Variants in FAM13A observed in about 807,000 individuals in gnomAD.
FAM13A encodes the protein family with sequence similarity 13 member A.
FAM13A carries 76 observed loss-of-function variants against 129.6 expected under a neutral mutation model. The ratio of observed to expected loss-of-function variants is 0.59; its 90% CI spans 0.49 to 0.71. FAM13A has a LOEUF of 0.71. Ranked by LOEUF, FAM13A falls within the 30% of genes least tolerant of loss-of-function variation. The probability of loss-of-function intolerance (pLI) is 0.00; values close to 1 mark genes in which losing one functional copy is unlikely to be tolerated. For synonymous variants in FAM13A, 443 were observed against 449.9 expected, an observed-to-expected ratio of 0.98 and a Z score of 0.20; for missense variants, 1,108 against 1,249.3, an observed-to-expected ratio of 0.89 and a Z score of 1.70.
chr4:88,820,144 G>C (rs532628599), intron 7 of FAM13A, among the ~76,000 whole-genome samples: 3 of 152,242 alleles, frequency 2.0e-5, no homozygotes, highest in East Asian at 3.9e-4. Context: ...CTCACAATAC[G>C]CTAAGAAAGG....
intron 7 of FAM13A, among the ~76,000 whole-genome samples, chr4:88,812,143 C>A (rs1001642143): frequency 6.6e-6 from 1 of 152,252 alleles, no homozygotes; most frequent in Non-Finnish European, 1.5e-5. Context: ...GCCTCCAGAA[C>A]TGTAAGAAAT....
chr4:88,968,253 T>G (rs2446306), intron 4 of FAM13A, among the ~76,000 whole-genome samples: 6 of 152,102 alleles, frequency 3.9e-5, no homozygotes, highest in Admixed American at 2.0e-4. Context: ...ACAAAGGTCA[T>G]CATCTGATTA....
At chr4:88,871,800 C>T (rs1561213217) in intron 6 of FAM13A, among the ~76,000 whole-genome samples, 1 of 152,110 alleles carries the variant, frequency 6.6e-6, no homozygotes, top group Admixed American at 6.5e-5. Context: ...GAGAATACCA[C>T]AAAGATACTC....
At chr4:89,033,295 C>G (rs537768328) in intron 1 of FAM13A, among the ~76,000 whole-genome samples, 66 of 152,168 alleles carry the variant, frequency 4.3e-4, no homozygotes, top group Non-Finnish European at 5.7e-4. Context: ...CCAGTCAGGG[C>G]TGCCAATACT....
chr4:88,745,003 T>C (rs897176731), intron 19 of FAM13A, among the ~76,000 whole-genome samples: 1 of 152,172 alleles, frequency 6.6e-6, no homozygotes, highest in African/African-American at 2.4e-5. Flanking sequence ...TGCACATTCT[T>C]TCGCCTGATT....
chr4:88,784,714 T>A (rs961327542), intron 10 of FAM13A, among the ~76,000 whole-genome samples: 2 of 152,180 alleles, frequency 1.3e-5, no homozygotes, highest in Non-Finnish European at 2.9e-5. Context: ...AGATTGAAAA[T>A]CATTTTCACT....
At chr4:89,014,164 G>C (rs552617664) in intron 3 of FAM13A, among the ~76,000 whole-genome samples, 9 of 152,122 alleles carry the variant, frequency 5.9e-5, no homozygotes, top group African/African-American at 1.4e-4. Context: ...ATTCGTAGAC[G>C]GTAATCCTAC....
At chr4:88,816,435 TA>T (rs1397127616) in intron 7 of FAM13A, among the ~76,000 whole-genome samples, 2 of 152,208 alleles carry the variant, frequency 1.3e-5, no homozygotes, top group Non-Finnish European at 2.9e-5. Context: ...ATGCTTCCAT[TA>T]AATTTCTCTG....
chr4:88,881,458 G>GA (rs1561240549), intron 6 of FAM13A, among the ~76,000 whole-genome samples: 1 of 152,012 alleles, frequency 6.6e-6, no homozygotes. Context: ...CACCCCATGG[G>GA]AAAAAAGCAT....
intron 6 of FAM13A, among the ~76,000 whole-genome samples, chr4:88,861,711 A>G (rs1739522373): frequency 6.6e-6 from 1 of 152,230 alleles, no homozygotes; most frequent in Non-Finnish European, 1.5e-5. Context: ...GAAAAGAGGC[A>G]CATGGACTCC....
At chr4:88,913,470 G>A (rs1749521119) in intron 5 of FAM13A, among the ~76,000 whole-genome samples, 1 of 148,648 alleles carries the variant, frequency 6.7e-6, no homozygotes, top group Non-Finnish European at 1.5e-5. Context: ...AGAAGAGGAG[G>A]AGGAGGAAGA....
chr4:88,890,060 G>A (rs1464674146), intron 6 of FAM13A, among the ~76,000 whole-genome samples: 1 of 152,164 alleles, frequency 6.6e-6, no homozygotes, highest in African/African-American at 2.4e-5. Context: ...ATAGGAAGGT[G>A]AAACCAAAGG....
intron 6 of FAM13A, among the ~76,000 whole-genome samples, chr4:88,868,847 T>C (rs76184235): frequency 0.013 from 1,943 of 152,322 alleles, 23 homozygotes; most frequent in Non-Finnish European, 0.02. Flanking sequence ...TTGTTAATTA[T>C]ACTACAGAGA....
At chr4:89,021,008 C>T (rs953951605) in intron 2 of FAM13A, among the ~76,000 whole-genome samples, 1 of 152,158 alleles carries the variant, frequency 6.6e-6, no homozygotes, top group South Asian at 2.1e-4. Flanking sequence ...ACTCAGGGCT[C>T]TAACAGCAGC....
chr4:88,882,847 A>C (rs1743813356), intron 6 of FAM13A, among the ~76,000 whole-genome samples: 1 of 152,186 alleles, frequency 6.6e-6, no homozygotes, highest in Non-Finnish European at 1.5e-5. Context: ...TGGACAACAA[A>C]ACAAGCAGGA....
chr4:88,842,752 A>G (rs1021713495), intron 7 of FAM13A, among the ~76,000 whole-genome samples: 3 of 152,234 alleles, frequency 2.0e-5, no homozygotes, highest in East Asian at 3.8e-4. Context: ...ATGACAATAC[A>G]TTTCTTTACC....
intron 3 of FAM13A, among the ~76,000 whole-genome samples, chr4:89,003,196 G>C (rs192618864): frequency 1.1e-4 from 16 of 151,632 alleles, no homozygotes; most frequent in Non-Finnish European, 2.4e-4. Context: ...AAAATAAAAA[G>C]GGCCCCAAAG....
intron 5 of FAM13A, among the ~76,000 whole-genome samples, chr4:88,916,309 T>C (rs1750109079): frequency 6.6e-6 from 1 of 152,244 alleles, no homozygotes; most frequent in Non-Finnish European, 1.5e-5. Context: ...CTTAATATTA[T>C]TATAATCCAA....
At chr4:88,790,551 A>AC in intron 9 of FAM13A, 35 bp downstream of exon 9, 1 of 1,578,772 alleles carries the variant, frequency 6.3e-7, no homozygotes, top group Non-Finnish European at 8.6e-7. Flanking sequence ...AAAAAAAAAA[A>AC]CCCAAAGCCC....
Sources: allele counts gnomAD v4.1 joint callset (sites outside exome capture counted in the v4.1 genomes callset), GRCh38; gene constraint gnomAD v4.1.1; transcripts MANE v1.5; gene names NCBI Gene and HGNC (gene_info 2026-07-23, HGNC 2026-07-21).